Variants in CDH9 observed in about 807,000 individuals in gnomAD.
CDH9 encodes the protein cadherin-9.
CDH9 carries 28 observed loss-of-function variants against 70.9 expected under a neutral mutation model. The observed-to-expected ratio is 0.40, with a 90% CI of 0.29 to 0.54. The LOEUF is 0.54. Among genes scored for constraint, CDH9 ranks in the 20% least tolerant of loss-of-function variants. The pLI, the probability that CDH9 is intolerant of heterozygous loss-of-function variation, is 0.59. For synonymous variants in CDH9, 409 were observed against 343.1 expected (o/e 1.19, Z -2.12); for missense variants, 874 against 984.4 (o/e 0.89, Z 1.50).
At chr5:26,955,118 G>A (rs1469694773) in intron 2 of CDH9, among the ~76,000 whole-genome samples, 1 of 152,154 alleles carries the variant, frequency 6.6e-6, no homozygotes, top group Admixed American at 6.5e-5. Flanking sequence ...TTAAAACCAA[G>A]AATCTCCATA....
intron 1 of CDH9, among the ~76,000 whole-genome samples, chr5:27,020,764 T>C (rs1053421984): frequency 4.6e-5 from 7 of 150,872 alleles, no homozygotes; most frequent in Non-Finnish European, 1.0e-4. Flanking sequence ...TATATATATA[T>C]GCCTAGTGTT....
chr5:26,908,397 A>G (rs1387015745), intron 3 of CDH9, among the ~76,000 whole-genome samples: 4 of 152,058 alleles, frequency 2.6e-5, no homozygotes, highest in Admixed American at 6.6e-5. Flanking sequence ...GATATATATT[A>G]GAATAAGTGT....
At chr5:26,931,368 A>G (rs987430733) in intron 2 of CDH9, among the ~76,000 whole-genome samples, 8 of 152,134 alleles carry the variant, frequency 5.3e-5, no homozygotes, top group African/African-American at 1.9e-4. Flanking sequence ...TTTTGTTAAC[A>G]TTTGTATTGG....
intron 2 of CDH9, among the ~76,000 whole-genome samples, chr5:26,976,237 A>T (rs2112078866): frequency 6.6e-6 from 1 of 152,330 alleles, no homozygotes; most frequent in Non-Finnish European, 1.5e-5. Context: ...TTTCTACCTT[A>T]ACATAAACTC....
In CDH9 at chr5:26,915,717, T is replaced by C. The variant is rs755543269; in HGVS notation, c.436A>G (p.Ile146Val). Reference protein sequence around the residue: ...GRQVEPESEFIIKIHDINDNE... With the variant: ...GRQVEPESEFVIKIHDINDNE... ...TCATTGATATCATGTATTTTAATGA[T>C]AAATTCCGATTCCGGTTCCACCTGC... The change falls in exon 3 of 12, where the codon ATC becomes GTC. Residue 146 changes from isoleucine (I) to valine (V), a missense_variant. By Grantham distance (29) the Ile-to-Val change is conservative. Transcript: ENST00000231021. 19 of 1,612,752 alleles carry C rather than the reference T, an allele frequency of 1.2e-5. No homozygotes were observed. In the Admixed American group the frequency reaches 1.3e-4, roughly 11 times the overall value.
intron 2 of CDH9, among the ~76,000 whole-genome samples, chr5:26,960,851 T>C (rs988385023): frequency 6.6e-5 from 10 of 152,122 alleles, no homozygotes; most frequent in Non-Finnish European, 8.8e-5. Context: ...TTCATATGCA[T>C]GTGTATTTTA....
At chr5:26,887,429 CTT>C (rs1740583946) in intron 9 of CDH9, among the ~76,000 whole-genome samples, 1 of 150,148 alleles carries the variant, frequency 6.7e-6, no homozygotes, top group South Asian at 2.1e-4. Flanking sequence ...TTATTTTTAA[CTT>C]TGTTAAATTC....
intron 2 of CDH9, among the ~76,000 whole-genome samples, chr5:26,969,626 G>C (rs554246838): frequency 1.3e-5 from 2 of 152,072 alleles, no homozygotes; most frequent in Non-Finnish European, 2.9e-5. Context: ...TGGACTCTAA[G>C]ATTCTTGTAA....
At chr5:26,922,843 C>T (rs1741268267) in intron 2 of CDH9, among the ~76,000 whole-genome samples, 1 of 151,020 alleles carries the variant, frequency 6.6e-6, no homozygotes, top group African/African-American at 2.4e-5. Flanking sequence ...AGTTAAAAAG[C>T]AAGCAGATGA....
intron 2 of CDH9, among the ~76,000 whole-genome samples, chr5:26,981,219 T>C (rs968816179): frequency 6.6e-6 from 1 of 152,076 alleles, no homozygotes; most frequent in African/African-American, 2.4e-5. Flanking sequence ...TCGGTATCCG[T>C]GGGTGATTGG....
intron 1 of CDH9, among the ~76,000 whole-genome samples, chr5:27,029,648 G>T (rs1743277387): frequency 6.6e-6 from 1 of 151,846 alleles, no homozygotes; most frequent in South Asian, 2.1e-4. Context: ...TAAATGTAAG[G>T]CAATGACATA....
chr5:26,985,455 G>A (rs1192848181), intron 2 of CDH9, among the ~76,000 whole-genome samples: 2 of 152,054 alleles, frequency 1.3e-5, no homozygotes, highest in African/African-American at 2.4e-5. Context: ...GCATGTTTGT[G>A]TGTATACATG....
At chr5:26,884,839 A>G (rs1740532959) in intron 11 of CDH9, among the ~76,000 whole-genome samples, 1 of 152,184 alleles carries the variant, frequency 6.6e-6, no homozygotes, top group South Asian at 2.1e-4. Context: ...CAGTGGAACA[A>G]CTGTTTAATT....
At chr5:26,967,726 G>A (rs1371218732) in intron 2 of CDH9, among the ~76,000 whole-genome samples, 2 of 151,244 alleles carry the variant, frequency 1.3e-5, no homozygotes, top group Non-Finnish European at 2.9e-5. Context: ...TTCAATGCTA[G>A]GTCTTCCTCT....
intron 7 of CDH9, among the ~76,000 whole-genome samples, chr5:26,895,644 G>A (rs917159597): frequency 2.6e-5 from 4 of 151,988 alleles, no homozygotes; most frequent in East Asian, 1.9e-4. Context: ...TTGGAGATTC[G>A]TGATTACTAA....
Position 26,889,872 on chromosome 5 carries a change from A to C in CDH9, c.1476T>G (p.Tyr492Ter). Reference sequence around the variant, plus strand: ...TTGCATTTTCACAAACAAATGTTTCATAATACATGGCAAATTCCGGAGCAT... The same window carrying C: ...TTGCATTTTCACAAACAAATGTTTCCTAATACATGGCAAATTCCGGAGCAT... The part of the protein sequence containing the change: ...NDHAPEFAMY[Y>*]ETFVCENAKP... The change falls in exon 9 of 12, where the codon TAT becomes TAG. Residue 492 changes from tyrosine (Y) to a stop codon, truncating the protein, a stop_gained. Coordinates refer to ENST00000231021, the MANE Select transcript of CDH9 (RefSeq NM_016279.4). LOFTEE classifies it high-confidence loss of function. 1.9e-6 allele frequency: 3 copies of C among 1,600,650 alleles called. No homozygotes were observed. The highest frequency in any genetic ancestry group is 2.6e-6 in the Non-Finnish European group (3 of 1,168,824).
intron 2 of CDH9, among the ~76,000 whole-genome samples, chr5:26,964,570 A>T (rs894956207): frequency 1.3e-5 from 2 of 152,158 alleles, no homozygotes; most frequent in Non-Finnish European, 2.9e-5. Context: ...TATATGAAAG[A>T]CTTAGCACGC....
At chr5:26,981,042 C>T (rs780776905) in intron 2 of CDH9, among the ~76,000 whole-genome samples, 1 of 152,006 alleles carries the variant, frequency 6.6e-6, no homozygotes, top group Non-Finnish European at 1.5e-5. Context: ...CGCCCCATGT[C>T]GGTACATTGG....
intron 2 of CDH9, among the ~76,000 whole-genome samples, chr5:26,983,801 TTATTTC>T (rs1365276949): frequency 6.6e-6 from 1 of 152,150 alleles, no homozygotes; most frequent in African/African-American, 2.4e-5. Context: ...ATTTGAGATT[TTATTTC>T]TATTTCTATT....
Sources: gnomAD v4.1 joint callset for allele counts (sites outside exome capture counted in the v4.1 genomes callset) on GRCh38, gnomAD v4.1.1 for gene constraint, MANE v1.5 for transcripts, NCBI Gene and HGNC (gene_info 2026-07-23, HGNC 2026-07-21) for gene names.